The following MACROD2 variants were observed in gnomAD, a reference collection of about 807,000 sequenced individuals.
MACROD2 encodes the protein mono-ADP ribosylhydrolase 2.
A neutral mutation model predicts 70.4 loss-of-function variants in MACROD2; 36 were observed. The ratio of observed to expected loss-of-function variants is 0.51; its 90% CI spans 0.39 to 0.68. MACROD2 has a LOEUF of 0.68. Ranked by LOEUF, MACROD2 falls within the 30% of genes least tolerant of loss-of-function variation. The pLI, the probability that MACROD2 is intolerant of heterozygous loss-of-function variation, is 0.00. For synonymous variants in MACROD2, 172 were observed against 178.8 expected, an observed-to-expected ratio of 0.96 and a Z score of 0.30; for missense variants, 496 against 538.4, an observed-to-expected ratio of 0.92 and a Z score of 0.78.
chr20:14,968,583 G>T (rs1161330185), intron 5 of MACROD2, among the ~76,000 whole-genome samples: 1 of 152,188 alleles, frequency 6.6e-6, no homozygotes, highest in African/African-American at 2.4e-5. Context: ...TTGGGGCAGG[G>T]TTATGCAAAC....
At chr20:15,773,596 G>A (rs527404294) in intron 8 of MACROD2, among the ~76,000 whole-genome samples, 2 of 152,216 alleles carry the variant, frequency 1.3e-5, no homozygotes, top group South Asian at 2.1e-4. Flanking sequence ...GTATATTACT[G>A]TGATTTATTT....
intron 4 of MACROD2, among the ~76,000 whole-genome samples, chr20:14,599,535 A>G: frequency 6.6e-6 from 1 of 152,280 alleles, no homozygotes; most frequent in Non-Finnish European, 1.5e-5. Context: ...GAGGGAGATA[A>G]TGCTGGAAAA....
intron 8 of MACROD2, among the ~76,000 whole-genome samples, chr20:15,560,372 A>G (rs2048225217): frequency 6.6e-6 from 1 of 152,240 alleles, no homozygotes; most frequent in Non-Finnish European, 1.5e-5. Context: ...TCTGAATATG[A>G]TAAGATGATA....
At chr20:15,190,335 G>A (rs1445225038) in intron 5 of MACROD2, among the ~76,000 whole-genome samples, 1 of 152,142 alleles carries the variant, frequency 6.6e-6, no homozygotes, top group Non-Finnish European at 1.5e-5. Flanking sequence ...AAGGATGTGA[G>A]ACGTGTAGTT....
chr20:15,007,954 G>T (rs1262987010), intron 5 of MACROD2, among the ~76,000 whole-genome samples: 1 of 152,218 alleles, frequency 6.6e-6, no homozygotes, highest in Non-Finnish European at 1.5e-5. Flanking sequence ...AGAAATGTAG[G>T]ATCTGGAGGG....
chr20:15,162,683 AG>A (rs11479238), intron 5 of MACROD2, among the ~76,000 whole-genome samples: 3,495 of 152,200 alleles, frequency 0.023, 130 homozygotes, highest in African/African-American at 0.08. Flanking sequence ...AAACATGCTT[AG>A]ATAAAATAAC....
intron 8 of MACROD2, among the ~76,000 whole-genome samples, chr20:15,773,064 T>C (rs1291936041): frequency 6.6e-6 from 1 of 152,090 alleles, no homozygotes; most frequent in Non-Finnish European, 1.5e-5. Context: ...TTAAATCCCT[T>C]ATTTGATGCA....
At chr20:15,440,820 C>G (rs1311056956) in intron 7 of MACROD2, among the ~76,000 whole-genome samples, 2 of 152,116 alleles carry the variant, frequency 1.3e-5, no homozygotes, top group African/African-American at 2.4e-5. Context: ...TTTTTCTCTT[C>G]CCTTTGATAT....
rs77611187 is a variant in MACROD2 at position 14,410,112 on chromosome 20, G to A, written c.272-83367G>A. Among the ~76,000 whole-genome samples the A allele has an allele frequency of 3.6e-4, 55 of 151,970 alleles. 1 individual carries two copies. In the East Asian group the frequency reaches 0.011, roughly 29 times the overall value. ...CATCAATGATTGGCAAGAGTTTGTA[G>A]ATTAATACCCTAGCTTAGTTTCTAT... On this transcript the variant is annotated intron_variant, in intron 3 of 17. Transcript: ENST00000684519.
chr20:15,888,550 A>G (rs1410612524), intron 10 of MACROD2, among the ~76,000 whole-genome samples: 2 of 152,138 alleles, frequency 1.3e-5, no homozygotes, highest in Non-Finnish European at 2.9e-5. Flanking sequence ...CCACTGAATG[A>G]TTTTAAGGAA....
At chr20:14,617,100 T>TA (rs1315994790) in intron 4 of MACROD2, among the ~76,000 whole-genome samples, 2 of 152,164 alleles carry the variant, frequency 1.3e-5, no homozygotes, top group African/African-American at 4.8e-5. Flanking sequence ...CATTCAGTCC[T>TA]ATTACCTGAA....
chr20:14,133,594 A>ACCTCTT (rs1569173128), intron 3 of MACROD2, among the ~76,000 whole-genome samples: 4 of 152,244 alleles, frequency 2.6e-5, no homozygotes, highest in Non-Finnish European at 5.9e-5. Flanking sequence ...CATTTCAGAT[A>ACCTCTT]GGTTTGTTAG....
At chr20:14,978,383 C>A (rs1290480383) in intron 5 of MACROD2, among the ~76,000 whole-genome samples, 1 of 114,424 alleles carries the variant, frequency 8.7e-6, no homozygotes, top group East Asian at 2.6e-4. Flanking sequence ...CCGCCCCCCC[C>A]ACTTTTTTTA....
At chr20:14,463,960 A>C (rs965472205) in intron 3 of MACROD2, among the ~76,000 whole-genome samples, 9 of 151,754 alleles carry the variant, frequency 5.9e-5, no homozygotes, top group Non-Finnish European at 1.0e-4. Flanking sequence ...GGATTTTTGC[A>C]TCAATGTTCA....
intron 2 of MACROD2, among the ~76,000 whole-genome samples, chr20:14,073,893 TTTAG>T (rs2053882891): frequency 6.6e-6 from 1 of 152,176 alleles, no homozygotes; most frequent in South Asian, 2.1e-4. Context: ...TTAACCAAAC[TTTAG>T]TTAGGTCCCT....
chr20:15,136,674 A>C (rs1460925884), intron 5 of MACROD2, among the ~76,000 whole-genome samples: 1 of 151,874 alleles, frequency 6.6e-6, no homozygotes, highest in African/African-American at 2.4e-5. Context: ...TGTCTAAAAC[A>C]CCAAAAGCAA....
chr20:15,431,475 T>C (rs2146357686), intron 7 of MACROD2, 40 bp downstream of exon 7: 1 of 1,587,548 alleles, frequency 6.3e-7, no homozygotes, highest in Non-Finnish European at 8.6e-7. Flanking sequence ...TATTTCTTTA[T>C]TTTGCTGTTA....
intron 5 of MACROD2, among the ~76,000 whole-genome samples, chr20:14,927,174 G>A (rs2074243571): frequency 6.6e-6 from 1 of 152,124 alleles, no homozygotes; most frequent in South Asian, 2.1e-4. Context: ...TCTTCGCTAA[G>A]AGCTTCTTGC....
At chr20:14,550,744 T>C (rs940071254) in intron 4 of MACROD2, among the ~76,000 whole-genome samples, 1 of 152,232 alleles carries the variant, frequency 6.6e-6, no homozygotes, top group Non-Finnish European at 1.5e-5. Flanking sequence ...TTGCACATCA[T>C]TGTAACTCCA....
Sources: gnomAD v4.1 joint callset for allele counts (sites outside exome capture counted in the v4.1 genomes callset) on GRCh38, gnomAD v4.1.1 for gene constraint, MANE v1.5 for transcripts, NCBI Gene and HGNC (gene_info 2026-07-23, HGNC 2026-07-21) for gene names.